The following PAX5 variants were observed in gnomAD, a reference collection of about 807,000 sequenced individuals.
PAX5 encodes the protein paired box protein Pax-5.
PAX5 carries 9 observed loss-of-function variants against 43.7 expected under a neutral mutation model. The ratio of observed to expected loss-of-function variants is 0.21; its 90% CI spans 0.12 to 0.36. PAX5 has a LOEUF of 0.36. Among genes scored for constraint, PAX5 ranks in the 10% least tolerant of loss-of-function variants. The probability of loss-of-function intolerance (pLI) is 1.00; values close to 1 mark genes in which losing one functional copy is unlikely to be tolerated. For synonymous variants in PAX5, 228 were observed against 214.3 expected (o/e 1.06, Z -0.56); for missense variants, 383 against 532.7 (o/e 0.72, Z 2.77).
intron 6 of PAX5, among the ~76,000 whole-genome samples, chr9:36,963,966 T>C (rs1271541137): frequency 6.6e-6 from 1 of 152,190 alleles, no homozygotes; most frequent in African/African-American, 2.4e-5. Context: ...TAAAATTACA[T>C]GATCTTGTCA....
intron 3 of PAX5, chr9:37,007,548 C>T (rs1365373775): frequency 2.0e-5 from 3 of 152,174 alleles, no homozygotes; most frequent in Non-Finnish European, 4.4e-5. Flanking sequence ...CAGGGCCACG[C>T]GAAAAGCTCC....
Position 36,840,596 on chromosome 9 carries a change from G to A in PAX5, c.1140C>T (p.Ala380=), listed in dbSNP as rs761767632. 2 of 1,584,106 alleles carry A rather than the reference G, an allele frequency of 1.3e-6. No individual in the cohort carries two copies. Among genetic ancestry groups the A allele is most frequent in the South Asian group, 1.2e-5 (1 of 86,316 alleles). The change falls in exon 10 of 10, where the codon GCC becomes GCT. Residue 380 remains alanine (A), a synonymous_variant. Transcript: ENST00000358127. The part of the protein sequence containing the change: ...YYYSAAARGA[A]PPAAATAYDR... ...CATAGGCAGTGGCGGCTGCAGGTGG[G>A]GCGGCTCCTCGGGCGGCAGCGCTAT...
intron 8 of PAX5, among the ~76,000 whole-genome samples, chr9:36,850,185 G>A (rs1823022901): frequency 6.6e-6 from 1 of 152,250 alleles, no homozygotes; most frequent in Non-Finnish European, 1.5e-5. Flanking sequence ...AGAGGCAGCT[G>A]CAGGGCAGAG....
intron 5 of PAX5, among the ~76,000 whole-genome samples, chr9:37,001,360 A>T (rs564130020): frequency 1.6e-4 from 24 of 152,242 alleles, no homozygotes; most frequent in African/African-American, 5.8e-4. Context: ...CAGCTTAGGC[A>T]CATCTGCTGC....
chr9:36,938,156 A>T (rs548200560), intron 6 of PAX5, among the ~76,000 whole-genome samples: 1 of 152,264 alleles, frequency 6.6e-6, no homozygotes, highest in African/African-American at 2.4e-5. Flanking sequence ...ATCAGGGTTA[A>T]CTTTACTTAA....
At chr9:36,960,624 C>T (rs1833887386) in intron 6 of PAX5, among the ~76,000 whole-genome samples, 1 of 152,190 alleles carries the variant, frequency 6.6e-6, no homozygotes, top group South Asian at 2.1e-4. Flanking sequence ...AAGGTTGCTT[C>T]CAAGGTGAGC....
intron 6 of PAX5, among the ~76,000 whole-genome samples, chr9:36,932,587 T>G (rs1831218596): frequency 6.6e-6 from 1 of 152,288 alleles, no homozygotes; most frequent in African/African-American, 2.4e-5. Flanking sequence ...AGATTAACTA[T>G]AAACCAGCAT....
At chr9:36,931,757 G>A (rs1358230466) in intron 6 of PAX5, among the ~76,000 whole-genome samples, 1 of 151,396 alleles carries the variant, frequency 6.6e-6, no homozygotes, top group East Asian at 1.9e-4. Context: ...GCTGAGGCAG[G>A]AGAATTGCTT....
intron 8 of PAX5, among the ~76,000 whole-genome samples, chr9:36,857,717 G>A (rs1440233830): frequency 6.6e-6 from 1 of 152,174 alleles, no homozygotes; most frequent in Non-Finnish European, 1.5e-5. Flanking sequence ...CCCAGGGAAG[G>A]GAGTCCTCAC....
intron 8 of PAX5, among the ~76,000 whole-genome samples, chr9:36,874,573 C>T (rs941848379): frequency 6.6e-6 from 1 of 152,240 alleles, no homozygotes; most frequent in Admixed American, 6.5e-5. Flanking sequence ...TAGCCAAGCA[C>T]ACATGGTTCC....
At chr9:36,989,290 G>C (rs1836728449) in intron 5 of PAX5, among the ~76,000 whole-genome samples, 1 of 152,210 alleles carries the variant, frequency 6.6e-6, no homozygotes, top group Admixed American at 6.5e-5. Flanking sequence ...TCATACGGAT[G>C]TCATCCTGTT....
chr9:36,937,577 C>A (rs75917439), intron 6 of PAX5, among the ~76,000 whole-genome samples: 5,228 of 152,284 alleles, frequency 0.034, 284 homozygotes, highest in African/African-American at 0.12. Context: ...GGCCAGGCTC[C>A]TCTTCCTGTG....
At chr9:36,876,544 C>T (rs12684931) in intron 8 of PAX5, among the ~76,000 whole-genome samples, 8,950 of 152,314 alleles carry the variant, frequency 0.059, 325 homozygotes, top group Non-Finnish European at 0.08. Context: ...ATGTCGATAT[C>T]TGCAACCATG....
In PAX5 at chr9:36,853,589, A is replaced by G. The variant is rs139735595; in HGVS notation, c.1013-6660T>C. On this transcript the variant is annotated intron_variant, in intron 8 of 9. Coordinates refer to ENST00000358127, the MANE Select transcript of PAX5 (RefSeq NM_016734.3). ...CTAGAGGAATGTATGCTGTTTCCTC[A>G]AAGACACAGAGAGAAAGCAGAGCCT... Among the ~76,000 whole-genome samples, 294 of 152,380 alleles carry G rather than the reference A, an allele frequency of 1.9e-3. 12 individuals are homozygous for G. In the East Asian group the frequency reaches 0.043, roughly 22 times the overall value.
At chr9:36,878,569 A>G (rs1826126883) in intron 8 of PAX5, among the ~76,000 whole-genome samples, 2 of 152,220 alleles carry the variant, frequency 1.3e-5, no homozygotes, top group Admixed American at 1.3e-4. Flanking sequence ...TGAGAGTCCA[A>G]GGTGTGCTGG....
intron 8 of PAX5, among the ~76,000 whole-genome samples, chr9:36,863,174 G>A (rs2131660612): frequency 6.6e-6 from 1 of 152,370 alleles, no homozygotes; most frequent in East Asian, 1.9e-4. Context: ...TCACACTGCT[G>A]TCACAGATCA....
At chr9:36,860,197 C>G (rs539963319) in intron 8 of PAX5, among the ~76,000 whole-genome samples, 1 of 151,864 alleles carries the variant, frequency 6.6e-6, no homozygotes, top group African/African-American at 2.4e-5. Context: ...ATTAGCCGGG[C>G]GTGGTGGCAC....
At chr9:36,843,980 G>A (rs894289936) in intron 9 of PAX5, among the ~76,000 whole-genome samples, 1 of 152,210 alleles carries the variant, frequency 6.6e-6, no homozygotes, top group Non-Finnish European at 1.5e-5. Flanking sequence ...TGTTGTCCTG[G>A]CTGTGTCCCA....
At chr9:37,003,019 G>C (rs894329948) in intron 4 of PAX5, among the ~76,000 whole-genome samples, 1 of 152,108 alleles carries the variant, frequency 6.6e-6, no homozygotes, top group Non-Finnish European at 1.5e-5. Flanking sequence ...GAGAAGGACT[G>C]ACCCCTGCAG....
Sources: gnomAD v4.1 joint callset for allele counts (sites outside exome capture counted in the v4.1 genomes callset) on GRCh38, gnomAD v4.1.1 for gene constraint, MANE v1.5 for transcripts, NCBI Gene and HGNC (gene_info 2026-07-23, HGNC 2026-07-21) for gene names.